Variants in HIPK2 observed in about 807,000 individuals in gnomAD.
HIPK2 encodes the protein homeodomain-interacting protein kinase 2.
A neutral mutation model predicts 113.7 loss-of-function variants in HIPK2; 27 were observed. The ratio of observed to expected loss-of-function variants is 0.24; its 90% CI spans 0.17 to 0.33. The LOEUF (loss-of-function observed/expected upper bound fraction) is 0.33. Ranked by LOEUF, HIPK2 falls within the 10% of genes least tolerant of loss-of-function variation. HIPK2 has a pLI of 1.00. For synonymous variants in HIPK2, 631 were observed against 642.2 expected (o/e 0.98, Z 0.26); for missense variants, 1,257 against 1,588.0 (o/e 0.79, Z 3.54).
intron 12 of HIPK2, among the ~76,000 whole-genome samples, chr7:139,585,308 A>G (rs1798798722): frequency 6.6e-6 from 1 of 152,172 alleles, no homozygotes; most frequent in African/African-American, 2.4e-5. Context: ...CAAATTCCAG[A>G]GCCCACAGCA....
At chr7:139,728,291 T>C (rs756296509) in intron 1 of HIPK2, among the ~76,000 whole-genome samples, 3 of 152,108 alleles carry the variant, frequency 2.0e-5, no homozygotes, top group South Asian at 2.1e-4. Flanking sequence ...TTTCTAAACA[T>C]AGCATATGAA....
At chr7:139,761,740 T>C (rs1407440094) in intron 1 of HIPK2, among the ~76,000 whole-genome samples, 1 of 152,178 alleles carries the variant, frequency 6.6e-6, no homozygotes, top group Non-Finnish European at 1.5e-5. Flanking sequence ...GAAGGGTATT[T>C]GAGGGCCAGT....
Position 139,724,004 on chromosome 7 carries a change from CT to C in HIPK2, c.20-6990del, listed in dbSNP as rs769658116. On this transcript the variant is annotated intron_variant, in intron 1 of 14. Coordinates refer to ENST00000406875, the MANE Select transcript of HIPK2 (RefSeq NM_022740.5). The stretch of plus-strand genomic sequence containing the variant: ...TGAGTACTTAATAGATGCTACAGAT[CT>C]TTTTTTTTTTTTTTCATAATAAAGA... 8.9e-3 allele frequency among the ~76,000 whole-genome samples: 1,228 copies of C among 137,218 alleles called. 5 individuals carry two copies. Among genetic ancestry groups the C allele is most frequent in the African/African-American group, 0.021 (791 of 37,920 alleles). The allele number at this position is 137,218 out of a possible 152,430, so 90.0% of individuals were successfully genotyped here.
chr7:139,658,206 TG>T (rs1801739634), intron 2 of HIPK2, among the ~76,000 whole-genome samples: 1 of 151,856 alleles, frequency 6.6e-6, no homozygotes, highest in East Asian at 1.9e-4. Context: ...CTCAGGAGGC[TG>T]AGGCAGGAGA....
intron 1 of HIPK2, among the ~76,000 whole-genome samples, chr7:139,735,892 T>C (rs901019398): frequency 2.6e-5 from 4 of 152,012 alleles, no homozygotes; most frequent in African/African-American, 9.7e-5. Flanking sequence ...CAAAGCACAA[T>C]ATGAAAATAA....
intron 12 of HIPK2, among the ~76,000 whole-genome samples, chr7:139,593,071 G>T (rs960678640): frequency 6.6e-6 from 1 of 152,212 alleles, no homozygotes; most frequent in East Asian, 1.9e-4. Context: ...GCACACAGTG[G>T]CATAGTGGTA....
chr7:139,681,821 G>A (rs192737515), intron 2 of HIPK2, among the ~76,000 whole-genome samples: 2 of 152,260 alleles, frequency 1.3e-5, no homozygotes, highest in Admixed American at 1.3e-4. Flanking sequence ...GGGAGCAGAA[G>A]GTCTGATGTT....
At position 139,631,187 on chromosome 7, in the gene HIPK2, G is replaced by C; in HGVS notation, c.1325C>G (p.Pro442Arg). The C allele has an allele frequency of 6.2e-7, 1 of 1,613,304 alleles. No homozygotes were observed. The highest frequency in any genetic ancestry group is 8.5e-7 in the Non-Finnish European group (1 of 1,179,644). ...TACCTTCAGTCTCCACAAAGGATAT[G>C]GTGAGTCCGTGTCACGGTTGAAAAA... is the stretch of plus-strand genomic sequence containing the variant. Reference protein sequence around the residue: ...TRFFNRDTDSPYPLWRLKTPD... With the variant: ...TRFFNRDTDSRYPLWRLKTPD... The change falls in exon 4 of 15, where the codon CCA (proline) becomes CGA (arginine). Residue 442 changes from proline to arginine, a missense_variant. Physicochemically the swap from Pro to Arg is moderately radical, Grantham distance 103. Coordinates refer to ENST00000406875, the MANE Select transcript of HIPK2 (RefSeq NM_022740.5). The surrounding 1 kb of genome is among the most constrained non-coding windows in gnomAD (Gnocchi z 4.9).
rs1799377924 is a variant in HIPK2, at chr7:139,600,357, T to C, written c.2435+60A>G. 5 of 1,562,286 alleles carry C rather than the reference T, an allele frequency of 3.2e-6. No individual in the cohort carries two copies. In the Admixed American group the frequency reaches 8.9e-5, roughly 28 times the overall value. ...GGGTGCTGATACTCCCTAAACTACA[T>C]TTCTTTAGCACTCACATCCCCTGGG... On this transcript the variant is annotated intron_variant, in intron 11 of 14. Transcript: ENST00000406875.
intron 2 of HIPK2, among the ~76,000 whole-genome samples, chr7:139,675,814 G>A (rs774166844): frequency 6.6e-6 from 1 of 152,106 alleles, no homozygotes; most frequent in African/African-American, 2.4e-5. Flanking sequence ...GGCCTAGGAG[G>A]TAATACTTGC....
chr7:139,618,445 C>T (rs1386067907), intron 7 of HIPK2, among the ~76,000 whole-genome samples: 1 of 152,166 alleles, frequency 6.6e-6, no homozygotes, highest in East Asian at 1.9e-4. Flanking sequence ...CCCTTACCCA[C>T]GACTCTGGCC....
intron 1 of HIPK2, among the ~76,000 whole-genome samples, chr7:139,721,461 G>A (rs1305270935): frequency 2.6e-5 from 4 of 152,136 alleles, no homozygotes; most frequent in African/African-American, 9.7e-5. Context: ...TATTTATTCA[G>A]ATCCTAAAGT....
intron 2 of HIPK2, among the ~76,000 whole-genome samples, chr7:139,656,639 T>C (rs1222395518): frequency 6.6e-6 from 1 of 152,162 alleles, no homozygotes; most frequent in Non-Finnish European, 1.5e-5. Context: ...TCACACGGAA[T>C]CCAAATTCTA....
chr7:139,685,464 A>G (rs1266031588), intron 2 of HIPK2, among the ~76,000 whole-genome samples: 1 of 152,198 alleles, frequency 6.6e-6, no homozygotes, highest in Non-Finnish European at 1.5e-5. Context: ...CACCCGGCCA[A>G]CAGGTTTTCA....
chr7:139,758,279 C>A (rs1008727584), intron 1 of HIPK2, among the ~76,000 whole-genome samples: 1 of 152,104 alleles, frequency 6.6e-6, no homozygotes, highest in African/African-American at 2.4e-5. Context: ...AACAACAGAT[C>A]AACCCATGGA....
intron 1 of HIPK2, among the ~76,000 whole-genome samples, chr7:139,757,142 G>A (rs1038905301): frequency 6.6e-6 from 1 of 152,148 alleles, no homozygotes; most frequent in Non-Finnish European, 1.5e-5. Flanking sequence ...TTAGACATAT[G>A]TACCAGCAAC....
chr7:139,640,918 C>G (rs1800992823), intron 2 of HIPK2, among the ~76,000 whole-genome samples: 2 of 152,138 alleles, frequency 1.3e-5, no homozygotes, highest in African/African-American at 4.8e-5. Context: ...ACCCAGCTTC[C>G]TCATTTTTTA....
chr7:139,745,682 G>A (rs1337776049), intron 1 of HIPK2, among the ~76,000 whole-genome samples: 1 of 152,062 alleles, frequency 6.6e-6, no homozygotes, highest in Admixed American at 6.5e-5. Flanking sequence ...CCCAGTGGCT[G>A]AGGCTAAGCA....
chr7:139,703,841 C>T (rs1794790401), intron 2 of HIPK2, among the ~76,000 whole-genome samples: 1 of 114,348 alleles, frequency 8.7e-6, no homozygotes, highest in African/African-American at 3.6e-5. Flanking sequence ...ACCTCCCCCA[C>T]ACCCACACTA....
Sources: allele counts gnomAD v4.1 joint callset (sites outside exome capture counted in the v4.1 genomes callset), GRCh38; gene constraint gnomAD v4.1.1; non-coding constraint Gnocchi (gnomAD v3.1); transcripts MANE v1.5; gene names NCBI Gene and HGNC (gene_info 2026-07-23, HGNC 2026-07-21).